CHIA: variants seen among roughly 807,000 people sequenced by gnomAD.
The protein encoded by CHIA is acidic mammalian chitinase.
CHIA carries 47 observed loss-of-function variants against 53.5 expected under a neutral mutation model. That is an observed-to-expected ratio of 0.88 (90% CI 0.70 to 1.12). The LOEUF is 1.12. CHIA is among the 50% of genes most tolerant of loss of function. The pLI is 0.00. For synonymous variants in CHIA, 268 were observed against 222.2 expected (o/e 1.21, Z -1.83); for missense variants, 652 against 592.2 (o/e 1.10, Z -1.05).
rs750377374 is a variant in CHIA, at chr1:111,310,508, GA to G, written c.25+17del. On this transcript the variant is annotated intron_variant, in intron 2 of 11. Coordinates refer to ENST00000369740, the MANE Select transcript of CHIA (RefSeq NM_201653.4). Reference sequence around the variant, plus strand: ...CTCCTCACAGGTGGGTTTGTAATCAGAGATTGACCCTTCATCTTATCTAGTT... The same window carrying G: ...CTCCTCACAGGTGGGTTTGTAATCAGGATTGACCCTTCATCTTATCTAGTT... 6.2e-7 allele frequency: 1 copy of G among 1,614,044 alleles called. No individual in the cohort carries two copies. Among genetic ancestry groups the G allele is most frequent in the African/African-American group, 1.3e-5 (1 of 74,930 alleles).
intron 1 of CHIA, among the ~76,000 whole-genome samples, chr1:111,303,373 T>A (rs763914750): frequency 1.3e-5 from 2 of 152,104 alleles, no homozygotes; most frequent in Non-Finnish European, 2.9e-5. Flanking sequence ...TAGTTGATTG[T>A]TCGTAGTGAA....
At chr1:111,298,716 A>G (rs985362381) in intron 1 of CHIA, among the ~76,000 whole-genome samples, 1 of 152,224 alleles carries the variant, frequency 6.6e-6, no homozygotes, top group Non-Finnish European at 1.5e-5. Flanking sequence ...AAGCTAGCAG[A>G]AGGTGAGAAA....
chr1:111,318,045 C>T lies in CHIA; in HGVS notation c.665C>T (p.Thr222Ile). The part of the protein sequence containing the change: ...YDLHGSWEGY[T>I]GENSPLYKYP... ...CTCCATGGCTCCTGGGAGGGCTACACTGGAGAGAACAGCCCCCTCTACAAA... is the reference window on the plus strand; with the variant it reads ...CTCCATGGCTCCTGGGAGGGCTACATTGGAGAGAACAGCCCCCTCTACAAA... Residue 222 changes from threonine to isoleucine, a missense_variant, in exon 8 of 12, where the codon ACT becomes ATT. Coordinates refer to ENST00000369740, the MANE Select transcript of CHIA (RefSeq NM_201653.4). The T allele has an allele frequency of 2.5e-6, 4 of 1,614,042 alleles. No homozygotes were observed. Among genetic ancestry groups the T allele is most frequent in the Non-Finnish European group, 2.5e-6 (3 of 1,179,900 alleles).
intron 1 of CHIA, among the ~76,000 whole-genome samples, chr1:111,299,898 T>C (rs1196338633): frequency 1.3e-5 from 2 of 152,116 alleles, no homozygotes; most frequent in East Asian, 3.8e-4. Flanking sequence ...GGATACAAAA[T>C]CAAAGTGCAA....
chr1:111,293,246 T>C (rs529362116), intron 1 of CHIA, among the ~76,000 whole-genome samples: 1 of 152,324 alleles, frequency 6.6e-6, no homozygotes, highest in Non-Finnish European at 1.5e-5. Flanking sequence ...TTAACACTTA[T>C]TATTTTCTGT....
chr1:111,303,678 T>C (rs12563147), intron 1 of CHIA, among the ~76,000 whole-genome samples: 42,346 of 152,080 alleles, frequency 0.28, 6,195 homozygotes, highest in East Asian at 0.36. Context: ...CATAAAATAC[T>C]ATCTTTATAC....
chr1:111,316,477 A>G (rs1283909287), intron 6 of CHIA: 1 of 152,250 alleles, frequency 6.6e-6, no homozygotes, highest in Non-Finnish European at 1.5e-5. Context: ...AGAGGATAGA[A>G]TCAATAGGAT....
intron 9 of CHIA, 142 bp downstream of exon 9, chr1:111,318,820 C>A: frequency 1.1e-6 from 1 of 938,262 alleles, no homozygotes; most frequent in Non-Finnish European, 1.6e-6. Flanking sequence ...AAATAGCATT[C>A]ATTTACATAA....
chr1:111,306,097 A>T (rs1648162290), intron 1 of CHIA, among the ~76,000 whole-genome samples: 1 of 152,248 alleles, frequency 6.6e-6, no homozygotes, highest in Admixed American at 6.5e-5. Flanking sequence ...AAATAACTTG[A>T]CAGGCAACCC....
chr1:111,301,469 G>C (rs996484364), intron 1 of CHIA, among the ~76,000 whole-genome samples: 2 of 152,020 alleles, frequency 1.3e-5, no homozygotes, highest in African/African-American at 4.8e-5. Flanking sequence ...GGAGGCCGAG[G>C]TGGGCAGATC....
Position 111,301,274 on chromosome 1 carries a change from T to A in CHIA, c.-68-9126T>A, listed in dbSNP as rs144198908. Reference sequence around the variant, plus strand: ...TAAATCATGCTAGTATAAAGATACATGCACACATATGTTTATTGCGGCACT... The same window carrying A: ...TAAATCATGCTAGTATAAAGATACAAGCACACATATGTTTATTGCGGCACT... On this transcript the variant is annotated intron_variant, in intron 1 of 11. Coordinates refer to ENST00000369740, the MANE Select transcript of CHIA (RefSeq NM_201653.4). Among the ~76,000 whole-genome samples, 1,273 of 152,322 alleles carry A rather than the reference T, an allele frequency of 8.4e-3. 31 individuals carry two copies. Among genetic ancestry groups the A allele is most frequent in the African/African-American group, 0.029 (1,204 of 41,570 alleles).
Position 111,320,243 on chromosome 1 carries a change from C to T in CHIA, c.1208C>T (p.Pro403Leu). The change falls in exon 12 of 12, where the codon CCA (proline) becomes CTA (leucine). Residue 403 changes from proline to leucine, a missense_variant. Physicochemically the swap from Pro to Leu is moderately conservative, Grantham distance 98. Transcript: ENST00000369740. ...ACGGCTCCAGCTCAGCCCATTGAGC[C>T]AATAACTGCTGCTCCCAGTGGCAGC... ...SCTAPAQPIE[P>L]ITAAPSGSGN... is the part of the protein sequence containing the mutation. 1 of 1,614,036 alleles carries T rather than the reference C, an allele frequency of 6.2e-7. No individual in the cohort carries two copies. The highest frequency in any genetic ancestry group is 1.1e-5 in the South Asian group (1 of 91,076).
chr1:111,320,407 C>A lies in CHIA; in HGVS notation c.1372C>A (p.Gln458Lys). The A allele has an allele frequency of 6.2e-7, 1 of 1,614,198 alleles. No homozygotes were observed. The highest frequency in any genetic ancestry group is 2.2e-5 in the East Asian group (1 of 44,890). ...WHCVNGVTYQ[Q>K]NCQAGLVFDT... ...CTGCGTGAATGGAGTCACGTACCAGCAGAACTGCCAGGCCGGGCTTGTCTT... is the reference window on the plus strand; with the variant it reads ...CTGCGTGAATGGAGTCACGTACCAGAAGAACTGCCAGGCCGGGCTTGTCTT... The change falls in exon 12 of 12, where the codon CAG becomes AAG. Residue 458 changes from glutamine to lysine, a missense_variant. Gln to Lys is a moderately conservative substitution (Grantham distance 53, BLOSUM62 1). Coordinates refer to ENST00000369740, the MANE Select transcript of CHIA (RefSeq NM_201653.4).
intron 1 of CHIA, among the ~76,000 whole-genome samples, chr1:111,294,594 C>A (rs1661230439): frequency 6.6e-6 from 1 of 152,140 alleles, no homozygotes; most frequent in Non-Finnish European, 1.5e-5. Flanking sequence ...ATAGAAGTGG[C>A]AAAAGAAGCA....
chr1:111,297,009 A>T (rs1647224467), intron 1 of CHIA, among the ~76,000 whole-genome samples: 1 of 152,206 alleles, frequency 6.6e-6, no homozygotes. Flanking sequence ...ATAAACCTAG[A>T]AGAGAAGTTT....
Position 111,319,248 on chromosome 1 carries a change from A to C in CHIA, c.1035+9A>C. 6.2e-7 allele frequency: 1 copy of C among 1,614,210 alleles called. No homozygotes were observed. The highest frequency in any genetic ancestry group is 8.5e-7 in the Non-Finnish European group (1 of 1,180,022). On this transcript the variant is annotated intron_variant, in intron 10 of 11. Transcript: ENST00000369740. Reference sequence around the variant, plus strand: ...AGAGCTTCGATATTAAGGTAAGATCAGTCCCTTAAATGTGCTGAGGTCCCA... The same window carrying C: ...AGAGCTTCGATATTAAGGTAAGATCCGTCCCTTAAATGTGCTGAGGTCCCA...
At chr1:111,317,642 A>T in intron 6 of CHIA, 39 bp from the exon 7 acceptor site, 2 of 1,609,472 alleles carry the variant, frequency 1.2e-6, no homozygotes, top group South Asian at 2.2e-5. Context: ...AGCTAAAATC[A>T]GCATCATAGA....
At chr1:111,311,877 C>T (rs1247665338) in intron 3 of CHIA, among the ~76,000 whole-genome samples, 159 bp downstream of exon 3, 1 of 152,060 alleles carries the variant, frequency 6.6e-6, no homozygotes, top group East Asian at 1.9e-4. Flanking sequence ...TTCAGCATGA[C>T]CATCTGAATT....
In CHIA at chr1:111,317,876, G is replaced by T. The variant is rs144637693; in HGVS notation, c.605+71G>T. The T allele has an allele frequency of 1.3e-3, 2,156 of 1,610,540 alleles. 24 individuals are homozygous for T. In the African/African-American group the frequency reaches 0.022, roughly 17 times the overall value. On this transcript the variant is annotated intron_variant, in intron 7 of 11. Coordinates refer to ENST00000369740, the MANE Select transcript of CHIA (RefSeq NM_201653.4). ...GCACACTAGACTTGTCCTTGGTCTG[G>T]CTTGCTATTCAGGGACCTTGTTTAG...
Sources: gnomAD v4.1 joint callset for allele counts (sites outside exome capture counted in the v4.1 genomes callset) on GRCh38, gnomAD v4.1.1 for gene constraint, MANE v1.5 for transcripts, NCBI Gene and HGNC (gene_info 2026-07-23, HGNC 2026-07-21) for gene names.